Variants in ZC3H12B observed in about 807,000 individuals in gnomAD.
ZC3H12B encodes the protein probable ribonuclease ZC3H12B.
ZC3H12B carries 7 observed loss-of-function variants against 43.9 expected under a neutral mutation model. The observed-to-expected ratio is 0.16, with a 90% CI of 0.09 to 0.30. The LOEUF (loss-of-function observed/expected upper bound fraction) is 0.30. Among genes scored for constraint, ZC3H12B ranks in the 10% least tolerant of loss-of-function variants. The pLI is 1.00. For synonymous variants in ZC3H12B, 222 were observed against 241.7 expected, an observed-to-expected ratio of 0.92 and a Z score of 0.76; for missense variants, 475 against 670.2, an observed-to-expected ratio of 0.71 and a Z score of 3.22.
chrX:65,083,196 G>A, the ZC3H12B span, among the ~76,000 whole-genome samples: 1 of 110,325 alleles, frequency 9.1e-6, no homozygotes, highest in Non-Finnish European at 1.9e-5. Flanking sequence ...CTCTAGACTC[G>A]GGAATGCAAC....
the ZC3H12B span, among the ~76,000 whole-genome samples, chrX:65,148,593 A>G: frequency 9.0e-6 from 1 of 111,097 alleles, no homozygotes; most frequent in Non-Finnish European, 1.9e-5. Flanking sequence ...GGACAGACCC[A>G]GTTCTGGGGT....
At chrX:65,505,581 A>T (rs1459086970) in exon 5 of ZC3H12B, 1 of 112,690 alleles carries the variant, frequency 8.9e-6, no homozygotes, top group African/African-American at 3.2e-5. Context: ...ACCATTTCAT[A>T]CCTTCAACTT....
At chrX:65,500,855 A>C (rs1377365653) in intron 4 of ZC3H12B, among the ~76,000 whole-genome samples, 1 of 110,515 alleles carries the variant, frequency 9.0e-6, no homozygotes, top group African/African-American at 3.3e-5. Context: ...GCTTGATCTG[A>C]GGCTACTTTG....
At chrX:65,386,896 G>C (rs1038689497) in intron 2 of ZC3H12B, among the ~76,000 whole-genome samples, 1 of 111,477 alleles carries the variant, frequency 9.0e-6, no homozygotes. Flanking sequence ...CCTTCATTTT[G>C]TTATGTACCC....
chrX:65,336,419 G>T, the ZC3H12B span, among the ~76,000 whole-genome samples: 1 of 109,253 alleles, frequency 9.2e-6, no homozygotes, highest in African/African-American at 3.3e-5. Context: ...TCCCCCAGTG[G>T]ACTGCCTGGG....
chrX:65,423,271 T>C (rs1371590606), intron 3 of ZC3H12B, among the ~76,000 whole-genome samples: 3 of 111,878 alleles, frequency 2.7e-5, no homozygotes, highest in Non-Finnish European at 5.6e-5. Context: ...TGATGGGCAT[T>C]TGGGTTGGTT....
chrX:65,167,823 T>G, the ZC3H12B span, among the ~76,000 whole-genome samples: 5 of 112,043 alleles, frequency 4.5e-5, no homozygotes, highest in Non-Finnish European at 7.5e-5. Context: ...AGTTCACTCA[T>G]GATTTGGCTC....
At chrX:65,214,259 A>G in the ZC3H12B span, among the ~76,000 whole-genome samples, 3 of 111,264 alleles carry the variant, frequency 2.7e-5, no homozygotes, top group East Asian at 2.8e-4. Context: ...TAAATTTGCC[A>G]CATCAATGGA....
the ZC3H12B span, among the ~76,000 whole-genome samples, chrX:65,188,790 T>C: frequency 3.6e-4 from 27 of 74,624 alleles, no homozygotes; most frequent in Non-Finnish European, 6.5e-4. Context: ...ATATTAGTTC[T>C]AAAGTCTTTA....
At chrX:65,226,169 G>C in the ZC3H12B span, among the ~76,000 whole-genome samples, 3 of 111,908 alleles carry the variant, frequency 2.7e-5, no homozygotes, top group Non-Finnish European at 5.6e-5. Flanking sequence ...AGACTAAGAG[G>C]AGATCTCTCG....
At chrX:65,292,930 G>T in the ZC3H12B span, among the ~76,000 whole-genome samples, 1 of 112,059 alleles carries the variant, frequency 8.9e-6, no homozygotes, top group East Asian at 2.8e-4. Flanking sequence ...ACTGTAATGA[G>T]CCATGACTGT....
chrX:65,414,799 C>T (rs2066941732), intron 3 of ZC3H12B, among the ~76,000 whole-genome samples: 1 of 112,049 alleles, frequency 8.9e-6, no homozygotes, highest in African/African-American at 3.2e-5. Context: ...AATCTGGGAC[C>T]TGCCACTAGT....
the ZC3H12B span, among the ~76,000 whole-genome samples, chrX:65,089,272 T>G: frequency 1.1e-4 from 12 of 112,067 alleles, no homozygotes; most frequent in Admixed American, 1.1e-3. Flanking sequence ...ACCTAGACTA[T>G]ATGGTATAGC....
At chrX:65,061,762 A>C in the ZC3H12B span, among the ~76,000 whole-genome samples, 6 of 112,294 alleles carry the variant, frequency 5.3e-5, no homozygotes, top group Non-Finnish European at 9.4e-5. Flanking sequence ...ACAATGGTTG[A>C]ACTAATTTAC....
chrX:65,322,191 G>A, the ZC3H12B span, among the ~76,000 whole-genome samples: 2 of 111,130 alleles, frequency 1.8e-5, no homozygotes, highest in East Asian at 5.7e-4. Context: ...AGATGGGAGG[G>A]AAGTGCCAGC....
the ZC3H12B span, among the ~76,000 whole-genome samples, chrX:65,165,845 G>C: frequency 8.9e-6 from 1 of 111,743 alleles, no homozygotes; most frequent in South Asian, 3.7e-4. Flanking sequence ...GGTATTTCTG[G>C]TTCTAGATCC....
At chrX:65,111,707 A>G in the ZC3H12B span, among the ~76,000 whole-genome samples, 2 of 110,033 alleles carry the variant, frequency 1.8e-5, no homozygotes, top group African/African-American at 6.6e-5. Context: ...GTGATTTGTG[A>G]TCAGTTATCT....
At chrX:65,497,975 C>T (rs1215896811) in intron 2 of ZC3H12B, among the ~76,000 whole-genome samples, 5 of 111,575 alleles carry the variant, frequency 4.5e-5, no homozygotes, top group Non-Finnish European at 9.4e-5. Flanking sequence ...GTGATCATGG[C>T]TCACTGCAGC....
At chrX:65,052,850 C>T in the ZC3H12B span, among the ~76,000 whole-genome samples, 1 of 111,719 alleles carries the variant, frequency 9.0e-6, no homozygotes, top group Non-Finnish European at 1.9e-5. Context: ...TTTTAAGGAA[C>T]CTCCACATTA....
Sources: allele counts gnomAD v4.1 joint callset (sites outside exome capture counted in the v4.1 genomes callset), GRCh38; gene constraint gnomAD v4.1.1; transcripts MANE v1.5; gene names NCBI Gene and HGNC (gene_info 2026-07-23, HGNC 2026-07-21).